Variants in WDFY3 observed in about 807,000 individuals in gnomAD.
WDFY3 encodes WD repeat and FYVE domain-containing protein 3.
A neutral mutation model predicts 409.6 loss-of-function variants in WDFY3; 66 were observed. The ratio of observed to expected loss-of-function variants is 0.16; its 90% CI spans 0.13 to 0.20. The LOEUF (loss-of-function observed/expected upper bound fraction) is 0.20. WDFY3 is among the 10% of genes least tolerant of loss of function. The pLI is 1.00. For synonymous variants in WDFY3, 1,521 were observed against 1,537.1 expected, an observed-to-expected ratio of 0.99 and a Z score of 0.25; for missense variants, 3,031 against 4,298.1, an observed-to-expected ratio of 0.71 and a Z score of 8.24.
At chr4:84,897,463 A>G (rs930982895) in intron 2 of WDFY3, among the ~76,000 whole-genome samples, 69 of 152,134 alleles carry the variant, frequency 4.5e-4, no homozygotes, top group African/African-American at 1.6e-3. Flanking sequence ...GCTTACTGCA[A>G]TCTCCACCTC....
intron 30 of WDFY3, among the ~76,000 whole-genome samples, chr4:84,769,083 T>A (rs192082574): frequency 3.9e-5 from 6 of 152,336 alleles, no homozygotes; most frequent in Non-Finnish European, 8.8e-5. Flanking sequence ...AGCCTAGAGA[T>A]GTGACTGAAT....
intron 36 of WDFY3, among the ~76,000 whole-genome samples, chr4:84,749,326 T>C (rs1740077045): frequency 6.6e-6 from 1 of 152,214 alleles, no homozygotes; most frequent in African/African-American, 2.4e-5. Flanking sequence ...TTTTTTTGTA[T>C]ATGTATTCTG....
At chr4:84,908,765 T>C (rs887169581) in intron 2 of WDFY3, among the ~76,000 whole-genome samples, 6 of 152,172 alleles carry the variant, frequency 3.9e-5, no homozygotes, top group African/African-American at 1.4e-4. Flanking sequence ...TATGCCAGAA[T>C]ACAACACATT....
At chr4:84,772,717 A>C (rs1744879781) in intron 30 of WDFY3, 118 bp downstream of exon 30, 2 of 819,704 alleles carry the variant, frequency 2.4e-6, no homozygotes, top group Non-Finnish European at 3.7e-6. Context: ...ATGTAAGGAG[A>C]AAAGTTATAC....
rs770786525 is a variant in WDFY3 at position 84,780,105 on chromosome 4, A to C, written c.4365+3T>G. ...GTGAAGGCAAAGTTTTACAGTTACA[A>C]ACCTGGTAGCCCTTGATTCTTTCCA... On this transcript the variant is annotated splice_donor_region_variant and intron_variant, in intron 26 of 67. Transcript: ENST00000295888. 34 of 1,581,722 alleles carry C rather than the reference A, an allele frequency of 2.1e-5. No individual in the cohort carries two copies. Among genetic ancestry groups the C allele is most frequent in the Non-Finnish European group, 2.8e-5 (33 of 1,164,540 alleles).
intron 9 of WDFY3, among the ~76,000 whole-genome samples, chr4:84,827,375 T>G (rs1202849985): frequency 2.0e-5 from 3 of 152,178 alleles, no homozygotes; most frequent in Non-Finnish European, 2.9e-5. Flanking sequence ...ATATTTATTC[T>G]CATACTATAT....
intron 16 of WDFY3, 156 bp downstream of exon 16, chr4:84,803,134 G>T (rs1432396034): frequency 2.8e-6 from 2 of 722,398 alleles, no homozygotes; most frequent in Non-Finnish European, 4.2e-6. Context: ...ATCATGAAAG[G>T]TAACACTCAA....
At chr4:84,941,085 G>C (rs1204278671) in intron 1 of WDFY3, among the ~76,000 whole-genome samples, 1 of 151,892 alleles carries the variant, frequency 6.6e-6, no homozygotes, top group Non-Finnish European at 1.5e-5. Flanking sequence ...AAGACTGAAT[G>C]CTTTCTCTTT....
At chr4:84,831,194 A>AAG (rs1294470747) in intron 8 of WDFY3, among the ~76,000 whole-genome samples, 1 of 151,762 alleles carries the variant, frequency 6.6e-6, no homozygotes, top group East Asian at 1.9e-4. Flanking sequence ...CCAAAAAAAA[A>AAG]AAAAAAAAGA....
At chr4:84,690,795 T>C (rs1263692048) in intron 60 of WDFY3, 131 bp from the exon 61 acceptor site, 1 of 1,138,508 alleles carries the variant, frequency 8.8e-7, no homozygotes, top group Non-Finnish European at 1.2e-6. Flanking sequence ...CTGAGCTAGC[T>C]TTAGTTCAGA....
intron 2 of WDFY3, among the ~76,000 whole-genome samples, chr4:84,931,346 G>A (rs1013074007): frequency 6.6e-6 from 1 of 152,172 alleles, no homozygotes; most frequent in Non-Finnish European, 1.5e-5. Flanking sequence ...ATCTGATTGA[G>A]GAATCAGAGT....
At chr4:84,702,039 C>T (rs530928402) in intron 56 of WDFY3, among the ~76,000 whole-genome samples, 66 of 152,280 alleles carry the variant, frequency 4.3e-4, no homozygotes, top group African/African-American at 1.5e-3. Context: ...GACGGAGTCT[C>T]GCTCTGTTGC....
At chr4:84,885,101 A>G (rs1387348640) in intron 3 of WDFY3, among the ~76,000 whole-genome samples, 3 of 152,060 alleles carry the variant, frequency 2.0e-5, no homozygotes, top group Non-Finnish European at 4.4e-5. Context: ...CCTGGGTTCA[A>G]GCAATTCTCC....
chr4:84,741,118 A>G (rs1037074157), intron 38 of WDFY3, among the ~76,000 whole-genome samples: 7 of 152,182 alleles, frequency 4.6e-5, no homozygotes, highest in Non-Finnish European at 4.4e-5. Flanking sequence ...TATTCTTTTA[A>G]TATCAACTCT....
chr4:84,872,470 A>G (rs570403167), intron 3 of WDFY3, among the ~76,000 whole-genome samples: 74 of 152,130 alleles, frequency 4.9e-4, no homozygotes, highest in African/African-American at 1.7e-3. Context: ...GTCTCAAAAA[A>G]AAAAAAAAAG....
chr4:84,862,281 C>T (rs1760750901), intron 3 of WDFY3, among the ~76,000 whole-genome samples: 1 of 152,154 alleles, frequency 6.6e-6, no homozygotes. Flanking sequence ...GGCTTGTTTG[C>T]ACTGAATAAC....
At chr4:84,760,082 T>C (rs1379240591) in intron 32 of WDFY3, among the ~76,000 whole-genome samples, 5,349 of 144,276 alleles carry the variant, frequency 0.037, 159 homozygotes, top group Admixed American at 0.067. Flanking sequence ...TTGTCTTTGG[T>C]TCTGTTTATA....
chr4:84,795,281 A>T (rs1409069563), intron 19 of WDFY3, among the ~76,000 whole-genome samples: 3 of 152,238 alleles, frequency 2.0e-5, no homozygotes, highest in Admixed American at 1.3e-4. Flanking sequence ...GAACAATTTC[A>T]TCACTGAAGG....
intron 13 of WDFY3, among the ~76,000 whole-genome samples, chr4:84,814,054 T>C (rs1330002712): frequency 6.6e-6 from 1 of 152,076 alleles, no homozygotes; most frequent in East Asian, 1.9e-4. Flanking sequence ...TAAAAGAAAA[T>C]AGAAGTAATA....
Sources: gnomAD v4.1 joint callset for allele counts (sites outside exome capture counted in the v4.1 genomes callset) on GRCh38, gnomAD v4.1.1 for gene constraint, MANE v1.5 for transcripts, NCBI Gene and HGNC (gene_info 2026-07-23, HGNC 2026-07-21) for gene names.